The following TENM2 variants were observed in gnomAD, a reference collection of about 807,000 sequenced individuals.
TENM2 encodes the protein teneurin-2.
TENM2 carries 52 observed loss-of-function variants against 245.2 expected under a neutral mutation model. That is an observed-to-expected ratio of 0.21 (90% confidence interval 0.17 to 0.27). The LOEUF is 0.27. Ranked by LOEUF, TENM2 falls within the 10% of genes least tolerant of loss-of-function variation. The pLI, the probability that TENM2 is intolerant of heterozygous loss-of-function variation, is 1.00. For missense variants in TENM2, 3,046 were observed against 3,666.8 expected, an observed-to-expected ratio of 0.83 and a Z score of 4.37; for synonymous variants, 1,363 against 1,438.9, an observed-to-expected ratio of 0.95 and a Z score of 1.19.
In TENM2 at chr5:167,870,577, G is replaced by GTGTA. The variant is rs1554135302; in HGVS notation, c.503-5408_503-5407insGTAT. ...TACATATATATATATATATGTGTGT[G>GTGTA]TATATATATATGTATATATATGTGT... is the stretch of plus-strand genomic sequence containing the variant. On this transcript the variant is annotated intron_variant, in intron 2 of 28. Coordinates refer to ENST00000518659, the Ensembl canonical transcript of TENM2. Among the ~76,000 whole-genome samples the GTGTA allele has an allele frequency of 9.3e-3, 1,272 of 136,120 alleles. 20 individuals are homozygous for GTGTA. Among genetic ancestry groups the GTGTA allele is most frequent in the African/African-American group, 0.032 (1,112 of 34,254 alleles). 89.3% of individuals were successfully genotyped at this position (136,120 alleles called of 152,430 possible).
At chr5:168,048,801 A>G (rs1193516422) in intron 6 of TENM2, among the ~76,000 whole-genome samples, 1 of 152,220 alleles carries the variant, frequency 6.6e-6, no homozygotes, top group Non-Finnish European at 1.5e-5. Context: ...TCCAGTCTTT[A>G]AGAATCGCTG....
intron 2 of TENM2, among the ~76,000 whole-genome samples, chr5:167,487,766 T>A (rs6886691): frequency 0.011 from 1,635 of 152,318 alleles, 33 homozygotes; most frequent in African/African-American, 0.037. Flanking sequence ...CCTAGTATTG[T>A]CATTCTTGCA....
intron 2 of TENM2, among the ~76,000 whole-genome samples, chr5:167,717,192 G>T (rs1342279092): frequency 2.6e-5 from 4 of 152,044 alleles, no homozygotes; most frequent in African/African-American, 9.7e-5. Flanking sequence ...CTGGCCTCAA[G>T]TGATCTGCCC....
chr5:167,710,242 C>T (rs1248882854), intron 2 of TENM2, among the ~76,000 whole-genome samples: 1 of 152,098 alleles, frequency 6.6e-6, no homozygotes, highest in Non-Finnish European at 1.5e-5. Context: ...TACAGGTATA[C>T]ACATGCATAC....
At chr5:168,123,201 A>G (rs1024026452) in intron 10 of TENM2, among the ~76,000 whole-genome samples, 1 of 152,106 alleles carries the variant, frequency 6.6e-6, no homozygotes, top group African/African-American at 2.4e-5. Context: ...TGGCAGACTA[A>G]GGCAGTAGGA....
At chr5:167,733,737 A>G (rs1476504009) in intron 2 of TENM2, among the ~76,000 whole-genome samples, 2 of 152,236 alleles carry the variant, frequency 1.3e-5, no homozygotes, top group Non-Finnish European at 2.9e-5. Flanking sequence ...TAAGACCAGA[A>G]AACTAGCCAA....
chr5:167,247,485 C>T, the TENM2 span, among the ~76,000 whole-genome samples: 1 of 151,980 alleles, frequency 6.6e-6, no homozygotes. Flanking sequence ...AAAACAATAT[C>T]CCAGTCATCA....
the TENM2 span, among the ~76,000 whole-genome samples, chr5:167,033,906 A>T: frequency 1.3e-5 from 2 of 152,228 alleles, no homozygotes; most frequent in African/African-American, 4.8e-5. Flanking sequence ...GGAGTATGGT[A>T]TTCAGATTCT....
At chr5:167,271,565 A>G in the TENM2 span, among the ~76,000 whole-genome samples, 256 of 152,276 alleles carry the variant, frequency 1.7e-3, no homozygotes, top group African/African-American at 5.7e-3. Context: ...TATCATGGCA[A>G]ATATCTAGAT....
At chr5:167,034,240 G>A in the TENM2 span, among the ~76,000 whole-genome samples, 1 of 152,288 alleles carries the variant, frequency 6.6e-6, no homozygotes, top group African/African-American at 2.4e-5. Flanking sequence ...AGAATGAGAT[G>A]ATAAACTAAT....
At chr5:167,350,883 TATGGGATGTATAC>T (rs1758844531) in intron 1 of TENM2, among the ~76,000 whole-genome samples, 1 of 89,500 alleles carries the variant, frequency 1.1e-5, no homozygotes, top group African/African-American at 3.6e-5. Context: ...GATATATATA[TATGGGATGTATAC>T]ATATGGATAT....
intron 2 of TENM2, among the ~76,000 whole-genome samples, chr5:167,584,034 C>T (rs973852053): frequency 4.6e-5 from 7 of 152,218 alleles, no homozygotes; most frequent in Non-Finnish European, 1.0e-4. Context: ...AATGCACTCA[C>T]CTTATTGTAA....
At chr5:167,095,451 G>A in the TENM2 span, among the ~76,000 whole-genome samples, 1 of 152,140 alleles carries the variant, frequency 6.6e-6, no homozygotes, top group Non-Finnish European at 1.5e-5. Context: ...CAACGGAAAT[G>A]TAGGAGGCGG....
At chr5:167,905,930 T>G (rs1421831495) in intron 3 of TENM2, among the ~76,000 whole-genome samples, 2 of 152,160 alleles carry the variant, frequency 1.3e-5, no homozygotes, top group African/African-American at 4.8e-5. Flanking sequence ...ATAATTAGTG[T>G]TTTTTAAAAA....
chr5:167,352,499 C>G (rs971863447), intron 1 of TENM2, among the ~76,000 whole-genome samples: 1 of 152,174 alleles, frequency 6.6e-6, no homozygotes, highest in Admixed American at 6.5e-5. Flanking sequence ...TGATCCTCCC[C>G]TTTTTGGAAG....
At chr5:167,536,725 T>G (rs948702517) in intron 2 of TENM2, among the ~76,000 whole-genome samples, 2 of 152,090 alleles carry the variant, frequency 1.3e-5, no homozygotes, top group Non-Finnish European at 2.9e-5. Context: ...AGTTCAAGAT[T>G]AGATGTCCAG....
At chr5:167,732,470 A>G (rs1274058373) in intron 2 of TENM2, among the ~76,000 whole-genome samples, 4 of 152,194 alleles carry the variant, frequency 2.6e-5, no homozygotes, top group African/African-American at 9.7e-5. Flanking sequence ...AACTGGATAC[A>G]TTATTGTTTT....
At chr5:167,702,624 TG>T (rs1758238805) in intron 2 of TENM2, among the ~76,000 whole-genome samples, 1 of 150,096 alleles carries the variant, frequency 6.7e-6, no homozygotes, top group Admixed American at 6.7e-5. Flanking sequence ...AGAACTGCTG[TG>T]TTTTTTTGTT....
intron 2 of TENM2, among the ~76,000 whole-genome samples, chr5:167,573,405 C>G (rs1317347024): frequency 1.3e-5 from 2 of 152,086 alleles, no homozygotes; most frequent in Non-Finnish European, 2.9e-5. Context: ...GTATCATGCT[C>G]GCTGAGATAA....
Sources: allele counts gnomAD v4.1 joint callset (sites outside exome capture counted in the v4.1 genomes callset), GRCh38; gene constraint gnomAD v4.1.1; transcripts MANE v1.5; gene names NCBI Gene and HGNC (gene_info 2026-07-23, HGNC 2026-07-21).